The following ACVR2A variants were observed in gnomAD, a reference collection of about 807,000 sequenced individuals.
ACVR2A encodes activin receptor type-2A.
Under a neutral mutation model 61.4 loss-of-function variants are expected in ACVR2A, and 7 were observed. The ratio of observed to expected loss-of-function variants is 0.11; its 90% CI spans 0.06 to 0.21. ACVR2A has a LOEUF of 0.21. ACVR2A is among the 10% of genes least tolerant of loss of function. The pLI, the probability that ACVR2A is intolerant of heterozygous loss-of-function variation, is 1.00. For missense variants in ACVR2A, 322 were observed against 621.7 expected (o/e 0.52, Z 5.13); for synonymous variants, 193 against 208.3 (o/e 0.93, Z 0.63).
At chr2:147,898,785 C>T (rs1037443912) in intron 2 of ACVR2A, among the ~76,000 whole-genome samples, 1 of 151,872 alleles carries the variant, frequency 6.6e-6, no homozygotes, top group African/African-American at 2.4e-5. Flanking sequence ...TGGTTTAATT[C>T]TAATCCGTTT....
At chr2:147,912,582 A>G (rs899248364) in intron 4 of ACVR2A, among the ~76,000 whole-genome samples, 4 of 151,928 alleles carry the variant, frequency 2.6e-5, no homozygotes, top group Non-Finnish European at 2.9e-5. Context: ...AGAATCAAGT[A>G]TTGATTTTTT....
At chr2:147,898,727 T>A (rs538933312) in intron 2 of ACVR2A, among the ~76,000 whole-genome samples, 1 of 152,282 alleles carries the variant, frequency 6.6e-6, no homozygotes, top group South Asian at 2.1e-4. Context: ...TCCAGGTCTT[T>A]TCATGACTTA....
intron 8 of ACVR2A, among the ~76,000 whole-genome samples, chr2:147,921,226 G>C (rs1022023324): frequency 6.6e-6 from 1 of 151,946 alleles, no homozygotes; most frequent in Non-Finnish European, 1.5e-5. Flanking sequence ...ATGGAGATGG[G>C]GTTTCACCAA....
chr2:147,851,195 T>A (rs1685438125), intron 1 of ACVR2A, among the ~76,000 whole-genome samples: 1 of 152,164 alleles, frequency 6.6e-6, no homozygotes. Context: ...TGAGTCACCT[T>A]TAGCATAGAA....
intron 1 of ACVR2A, among the ~76,000 whole-genome samples, chr2:147,889,863 C>T (rs78517830): frequency 1.8e-3 from 269 of 151,140 alleles, no homozygotes; most frequent in African/African-American, 6.1e-3. Context: ...CAGTACTAGT[C>T]AGTAAACCAT....
At chr2:147,875,620 A>G (rs1417468149) in intron 1 of ACVR2A, among the ~76,000 whole-genome samples, 1 of 152,072 alleles carries the variant, frequency 6.6e-6, no homozygotes, top group Non-Finnish European at 1.5e-5. Context: ...GTGCACTGTG[A>G]GAAACATTGC....
At chr2:147,857,059 TA>T (rs1685596994) in intron 1 of ACVR2A, among the ~76,000 whole-genome samples, 2 of 152,164 alleles carry the variant, frequency 1.3e-5, no homozygotes, top group Non-Finnish European at 2.9e-5. Context: ...TTTTCTCCAG[TA>T]ACTACCTTTA....
chr2:147,897,615 T>C (rs983104026), intron 2 of ACVR2A, among the ~76,000 whole-genome samples: 1 of 152,174 alleles, frequency 6.6e-6, no homozygotes, highest in African/African-American at 2.4e-5. Flanking sequence ...TACTTCTGGA[T>C]CACTTTTGAG....
chr2:147,897,603 G>C (rs1208445285), intron 2 of ACVR2A, among the ~76,000 whole-genome samples: 1 of 152,144 alleles, frequency 6.6e-6, no homozygotes, highest in Non-Finnish European at 1.5e-5. Flanking sequence ...GTGAACACTA[G>C]ATACTTCTGG....
chr2:147,926,308 A>G (rs896671577), intron 10 of ACVR2A, 147 bp downstream of exon 10: 13 of 1,031,108 alleles, frequency 1.3e-5, no homozygotes, highest in Non-Finnish European at 1.7e-5. Flanking sequence ...TAGAGGCAGA[A>G]TTAGGGCTAT....
At chr2:147,870,280 T>A (rs1426230507) in intron 1 of ACVR2A, among the ~76,000 whole-genome samples, 1 of 152,178 alleles carries the variant, frequency 6.6e-6, no homozygotes, top group African/African-American at 2.4e-5. Context: ...GGCCTATTTT[T>A]TCCTCTCTTT....
chr2:147,854,325 A>G (rs1685517492), intron 1 of ACVR2A, among the ~76,000 whole-genome samples: 1 of 152,208 alleles, frequency 6.6e-6, no homozygotes, highest in Non-Finnish European at 1.5e-5. Context: ...ATTAGTGGGA[A>G]TTTAAAATAT....
intron 8 of ACVR2A, among the ~76,000 whole-genome samples, chr2:147,922,152 C>T (rs1480713997): frequency 6.6e-6 from 1 of 151,900 alleles, no homozygotes; most frequent in Non-Finnish European, 1.5e-5. Flanking sequence ...AAAGTAGAGC[C>T]ACTTTTCCCT....
intron 1 of ACVR2A, among the ~76,000 whole-genome samples, chr2:147,868,697 A>G (rs921363811): frequency 6.6e-6 from 1 of 151,854 alleles, no homozygotes; most frequent in Non-Finnish European, 1.5e-5. Context: ...AGTGACGGGA[A>G]CATGGCTTAC....
chr2:147,885,307 T>A (rs1462230290), intron 1 of ACVR2A, among the ~76,000 whole-genome samples: 1 of 152,196 alleles, frequency 6.6e-6, no homozygotes, highest in East Asian at 1.9e-4. Flanking sequence ...TTATTTTGAA[T>A]AGAAGTATAG....
At chr2:147,857,868 G>A (rs927697012) in intron 1 of ACVR2A, among the ~76,000 whole-genome samples, 7 of 152,130 alleles carry the variant, frequency 4.6e-5, no homozygotes, top group African/African-American at 1.7e-4. Context: ...ACACCTGCAG[G>A]TTTGTTACAT....
chr2:147,865,366 AT>A lies in ACVR2A; in HGVS notation c.55+20161del, dbSNP rs1020542352. On this transcript the variant is annotated intron_variant, in intron 1 of 10. Transcript: ENST00000241416. ...AGTAAGTGACATAATTCTCTCAAAGATTAAGGATTTTTTAGTAGCCTAATCT... is the reference window on the plus strand; with the variant it reads ...AGTAAGTGACATAATTCTCTCAAAGATAAGGATTTTTTAGTAGCCTAATCT... Among the ~76,000 whole-genome samples, 22 of 152,322 alleles carry A rather than the reference AT, an allele frequency of 1.4e-4. 1 individual carries two copies. In the East Asian group the frequency reaches 4.2e-3, roughly 29 times the overall value.
At chr2:147,847,672 A>G (rs895496886) in intron 1 of ACVR2A, among the ~76,000 whole-genome samples, 9 of 152,182 alleles carry the variant, frequency 5.9e-5, no homozygotes, top group Admixed American at 4.6e-4. Context: ...GGCCAAGTGT[A>G]TAATTTCCTC....
rs1687348513 is a variant in ACVR2A at position 147,920,275 on chromosome 2, T to C, written c.1008T>C (p.Ala336=). The C allele has an allele frequency of 6.2e-7, 1 of 1,613,656 alleles. No homozygotes were observed. Among genetic ancestry groups the C allele is most frequent in the Non-Finnish European group, 8.5e-7 (1 of 1,179,682 alleles). The part of the protein sequence containing the change: ...KNVLLKNNLT[A]CIADFGLALK... Reference sequence around the variant, plus strand: ...TGCTGTTGAAAAACAACCTGACAGCTTGCATTGCTGACTTTGGGTTGGCCT... The same window carrying C: ...TGCTGTTGAAAAACAACCTGACAGCCTGCATTGCTGACTTTGGGTTGGCCT... The change falls in exon 8 of 11, where the codon GCT becomes GCC. Residue 336 remains alanine (A), a synonymous_variant. Transcript: ENST00000241416.
Sources: allele counts gnomAD v4.1 joint callset (sites outside exome capture counted in the v4.1 genomes callset), GRCh38; gene constraint gnomAD v4.1.1; transcripts MANE v1.5; gene names NCBI Gene and HGNC (gene_info 2026-07-23, HGNC 2026-07-21).